RYR3: variants seen among roughly 807,000 people sequenced by gnomAD.
RYR3 encodes brain ryanodine receptor-calcium release channel.
RYR3 carries 207 observed loss-of-function variants against 584.3 expected under a neutral mutation model. That is an observed-to-expected ratio of 0.35 (90% CI 0.32 to 0.40). The LOEUF is 0.40. Among genes scored for constraint, RYR3 ranks in the 10% least tolerant of loss-of-function variants. The pLI, the probability that RYR3 is intolerant of heterozygous loss-of-function variation, is 1.00. For missense variants in RYR3, 5,616 were observed against 6,089.2 expected, an observed-to-expected ratio of 0.92 and a Z score of 2.59; for synonymous variants, 2,416 against 2,248.5, an observed-to-expected ratio of 1.07 and a Z score of -2.11.
At chr15:33,337,056 C>CAAAAAAAA (rs71117134) in intron 1 of RYR3, among the ~76,000 whole-genome samples, 4 of 48,972 alleles carry the variant, frequency 8.2e-5, no homozygotes, top group Non-Finnish European at 1.0e-4. Context: ...GACTCCGTCT[C>CAAAAAAAA]AAAAAAAAAA....
intron 70 of RYR3, among the ~76,000 whole-genome samples, chr15:33,808,216 A>G (rs2076308931): frequency 6.6e-6 from 1 of 152,242 alleles, no homozygotes; most frequent in Non-Finnish European, 1.5e-5. Flanking sequence ...CCCAGGCGAG[A>G]TAGACTTGCA....
At chr15:33,641,862 T>G (rs1291214307) in intron 27 of RYR3, among the ~76,000 whole-genome samples, 3 of 152,212 alleles carry the variant, frequency 2.0e-5, no homozygotes, top group Non-Finnish European at 4.4e-5. Context: ...CACTTTACTC[T>G]CTAGTGAATG....
chr15:33,553,025 G>C (rs1275076239), intron 10 of RYR3, among the ~76,000 whole-genome samples: 3 of 152,152 alleles, frequency 2.0e-5, no homozygotes, highest in Non-Finnish European at 4.4e-5. Context: ...TTATGTGACA[G>C]AGTAGGTGGC....
intron 38 of RYR3, among the ~76,000 whole-genome samples, chr15:33,675,384 A>G (rs1156323654): frequency 6.6e-6 from 1 of 152,238 alleles, no homozygotes; most frequent in Admixed American, 6.5e-5. Context: ...AAAACTTCAA[A>G]ACTTTGTCAA....
chr15:33,683,168 G>A (rs1596136478), intron 38 of RYR3, among the ~76,000 whole-genome samples: 1 of 151,922 alleles, frequency 6.6e-6, no homozygotes, highest in South Asian at 2.1e-4. Context: ...CTAATTTTTT[G>A]TATTTTTAGT....
chr15:33,321,014 A>G (rs868177513), intron 1 of RYR3, among the ~76,000 whole-genome samples: 1 of 152,218 alleles, frequency 6.6e-6, no homozygotes, highest in Non-Finnish European at 1.5e-5. Context: ...TTGGGAGTAC[A>G]GATTGGGAGG....
chr15:33,436,565 A>G (rs2045746702), intron 1 of RYR3, among the ~76,000 whole-genome samples: 1 of 150,792 alleles, frequency 6.6e-6, no homozygotes, highest in Non-Finnish European at 1.5e-5. Context: ...CAGTGATGCA[A>G]TCTTGGCTCA....
chr15:33,437,679 TTTCCA>T lies in RYR3; in HGVS notation c.52-35739_52-35735del, dbSNP rs572132194. On this transcript the variant is annotated intron_variant, in intron 1 of 103. Coordinates refer to ENST00000634891, the MANE Select transcript of RYR3 (RefSeq NM_001036.6). ...CAGTGGCCTGTTTCTGGACTCTGCT[TTTCCA>T]CTGGTCTGTATACTTACCTCTTCTC... Among the ~76,000 whole-genome samples, 1,484 of 152,332 alleles carry T rather than the reference TTTCCA, an allele frequency of 9.7e-3. 17 individuals are homozygous for T. The highest frequency in any genetic ancestry group is 0.034 in the African/African-American group (1,400 of 41,556).
rs183838305 is a variant in RYR3, at chr15:33,455,626, C to T, written c.52-17793C>T. On this transcript the variant is annotated intron_variant, in intron 1 of 103. Transcript: ENST00000634891. The stretch of plus-strand genomic sequence containing the variant: ...CCTCATATAGGACAAATTGAAAGTT[C>T]CTGGCCATCTAAAGTGAAAGCAATT... Among the ~76,000 whole-genome samples the T allele has an allele frequency of 4.2e-3, 641 of 152,242 alleles. 2 individuals carry two copies. Among genetic ancestry groups the T allele is most frequent in the Non-Finnish European group, 5.4e-3 (369 of 68,016 alleles).
chr15:33,586,667 T>C (rs1465505768), intron 16 of RYR3, among the ~76,000 whole-genome samples: 1 of 152,174 alleles, frequency 6.6e-6, no homozygotes, highest in Non-Finnish European at 1.5e-5. Flanking sequence ...AGCTGGGGCC[T>C]CAGTTATGTC....
chr15:33,560,961 T>C (rs939615708), intron 10 of RYR3, among the ~76,000 whole-genome samples: 1 of 152,202 alleles, frequency 6.6e-6, no homozygotes, highest in African/African-American at 2.4e-5. Flanking sequence ...CACACACATT[T>C]AAAAGAAAAA....
intron 1 of RYR3, among the ~76,000 whole-genome samples, chr15:33,364,864 T>A (rs999796729): frequency 6.6e-6 from 1 of 152,162 alleles, no homozygotes; most frequent in African/African-American, 2.4e-5. Context: ...TTCCACAGTA[T>A]GCAATTCTAA....
chr15:33,697,572 T>G (rs1042310571), intron 39 of RYR3, among the ~76,000 whole-genome samples: 1 of 152,170 alleles, frequency 6.6e-6, no homozygotes, highest in Non-Finnish European at 1.5e-5. Flanking sequence ...AAGACTATTG[T>G]CCAAAAGCTT....
At chr15:33,794,116 CATAA>C (rs1399965406) in intron 67 of RYR3, among the ~76,000 whole-genome samples, 2 of 96,454 alleles carry the variant, frequency 2.1e-5, no homozygotes, top group South Asian at 3.3e-4. Flanking sequence ...ATATAATATA[CATAA>C]ATATATATTT....
chr15:33,426,180 C>A (rs1446036531), intron 1 of RYR3, among the ~76,000 whole-genome samples: 2 of 152,118 alleles, frequency 1.3e-5, no homozygotes, highest in African/African-American at 2.4e-5. Flanking sequence ...GTAAAACTTA[C>A]GAGCTTCTTG....
At chr15:33,552,851 G>A (rs911604404) in intron 10 of RYR3, among the ~76,000 whole-genome samples, 3 of 152,194 alleles carry the variant, frequency 2.0e-5, no homozygotes, top group Non-Finnish European at 4.4e-5. Context: ...TGCTTAGTAA[G>A]CATATTCTTG....
chr15:33,863,788 C>G (rs544267873), intron 102 of RYR3, among the ~76,000 whole-genome samples: 7 of 152,138 alleles, frequency 4.6e-5, no homozygotes, highest in Admixed American at 3.9e-4. Flanking sequence ...GATAAATGGC[C>G]TGTTAAATAT....
chr15:33,355,208 T>A (rs1223371789), intron 1 of RYR3, among the ~76,000 whole-genome samples: 2 of 151,344 alleles, frequency 1.3e-5, no homozygotes, highest in Non-Finnish European at 2.9e-5. Context: ...AAATCATGTA[T>A]TAGTTGGCTT....
chr15:33,332,642 A>G (rs1269959840), intron 1 of RYR3, among the ~76,000 whole-genome samples: 2 of 152,120 alleles, frequency 1.3e-5, no homozygotes, highest in Non-Finnish European at 2.9e-5. Flanking sequence ...GTTACAACAA[A>G]GATACCTTGA....
Sources: gnomAD v4.1 joint callset for allele counts (sites outside exome capture counted in the v4.1 genomes callset) on GRCh38, gnomAD v4.1.1 for gene constraint, MANE v1.5 for transcripts, NCBI Gene and HGNC (gene_info 2026-07-23, HGNC 2026-07-21) for gene names.